Variants in ADAMTSL1 observed in about 807,000 individuals in gnomAD.
ADAMTSL1 encodes the protein ADAMTS like 1.
In ADAMTSL1, 126 loss-of-function variants were observed where a neutral mutation model predicts 201.8. The observed-to-expected ratio is 0.62, with a 90% CI of 0.54 to 0.72. ADAMTSL1 has a LOEUF of 0.72. Among genes scored for constraint, ADAMTSL1 ranks in the 30% least tolerant of loss-of-function variants. The pLI, the probability that ADAMTSL1 is intolerant of heterozygous loss-of-function variation, is 0.00. For synonymous variants in ADAMTSL1, 1,121 were observed against 903.4 expected (o/e 1.24, Z -4.32); for missense variants, 2,679 against 2,277.8 (o/e 1.18, Z -3.59).
At chr9:18,553,315 C>T (rs947153311) in intron 3 of ADAMTSL1, among the ~76,000 whole-genome samples, 1 of 150,762 alleles carries the variant, frequency 6.6e-6, no homozygotes, top group East Asian at 2.0e-4. Context: ...TTTTAATATG[C>T]ATACCTAAAG....
At chr9:18,372,863 A>C (rs568057432) in intron 2 of ADAMTSL1, among the ~76,000 whole-genome samples, 5 of 152,212 alleles carry the variant, frequency 3.3e-5, no homozygotes. Flanking sequence ...CATAGCAAAA[A>C]TAACACTAAA....
intron 2 of ADAMTSL1, among the ~76,000 whole-genome samples, chr9:18,167,495 G>C (rs1192682033): frequency 6.6e-6 from 1 of 151,804 alleles, no homozygotes; most frequent in Non-Finnish European, 1.5e-5. Flanking sequence ...TTGTTTTTTA[G>C]GGCAAGTCAT....
At chr9:18,895,994 A>C (rs1829612763) in intron 26 of ADAMTSL1, among the ~76,000 whole-genome samples, 1 of 152,214 alleles carries the variant, frequency 6.6e-6, no homozygotes, top group Non-Finnish European at 1.5e-5. Context: ...ATTCAACAGC[A>C]GATTTCGCAG....
chr9:18,038,504 A>G (rs1219038676), intron 1 of ADAMTSL1, among the ~76,000 whole-genome samples: 1 of 152,168 alleles, frequency 6.6e-6, no homozygotes, highest in African/African-American at 2.4e-5. Context: ...CAGTCATTAC[A>G]GTTTTCAAGC....
At chr9:18,286,911 G>A (rs918267404) in intron 2 of ADAMTSL1, among the ~76,000 whole-genome samples, 8 of 152,112 alleles carry the variant, frequency 5.3e-5, no homozygotes, top group African/African-American at 1.7e-4. Context: ...CAACTGCAAT[G>A]TATATAAAAT....
chr9:18,592,147 A>G (rs1823960338), intron 4 of ADAMTSL1, among the ~76,000 whole-genome samples: 1 of 152,092 alleles, frequency 6.6e-6, no homozygotes, highest in South Asian at 2.1e-4. Context: ...AGTGGATCAG[A>G]TTGGCAGCAA....
chr9:18,226,643 T>C (rs1830440999), intron 2 of ADAMTSL1, among the ~76,000 whole-genome samples: 1 of 152,134 alleles, frequency 6.6e-6, no homozygotes, highest in Non-Finnish European at 1.5e-5. Flanking sequence ...CTCTTTACCT[T>C]AGCCTGGTGT....
intron 19 of ADAMTSL1, among the ~76,000 whole-genome samples, chr9:18,781,686 G>A (rs546950412): frequency 1.1e-4 from 17 of 152,144 alleles, no homozygotes; most frequent in Non-Finnish European, 2.4e-4. Context: ...GAAATGTCCA[G>A]TGTTATAGTT....
At chr9:18,121,512 A>G (rs929752783) in intron 1 of ADAMTSL1, among the ~76,000 whole-genome samples, 3 of 152,312 alleles carry the variant, frequency 2.0e-5, no homozygotes, top group East Asian at 1.9e-4. Context: ...TTTTTCTCCA[A>G]TTGCAAAAGT....
chr9:18,674,356 T>C, intron 9 of ADAMTSL1, among the ~76,000 whole-genome samples: 1 of 152,144 alleles, frequency 6.6e-6, no homozygotes, highest in East Asian at 1.9e-4. Flanking sequence ...GAAATAGATA[T>C]CCATCTTAAA....
At chr9:18,612,318 CAG>C (rs1198766071) in intron 4 of ADAMTSL1, among the ~76,000 whole-genome samples, 3 of 152,092 alleles carry the variant, frequency 2.0e-5, no homozygotes, top group African/African-American at 7.2e-5. Context: ...GAACCAGTGG[CAG>C]AGAGTTTAAA....
chr9:18,870,979 A>T (rs1366923728), intron 23 of ADAMTSL1, among the ~76,000 whole-genome samples: 1 of 152,110 alleles, frequency 6.6e-6, no homozygotes, highest in Non-Finnish European at 1.5e-5. Context: ...CTCTTTTCTA[A>T]TTCTTTATCT....
At chr9:18,657,893 A>T in intron 8 of ADAMTSL1, 143 bp downstream of exon 8, 1 of 655,218 alleles carries the variant, frequency 1.5e-6, no homozygotes, top group Admixed American at 2.6e-5. Context: ...TGGAATCTCG[A>T]GGCCCTCCTG....
Position 18,071,323 on chromosome 9 carries a change from C to A in ADAMTSL1, c.88-92539C>A, listed in dbSNP as rs540830367. ...TCTATGGGAGTGCTTTAGAATTTGTCCAGAACACCAAAAATAAGTGTGTGT... is the reference window on the plus strand; with the variant it reads ...TCTATGGGAGTGCTTTAGAATTTGTACAGAACACCAAAAATAAGTGTGTGT... On this transcript the variant is annotated intron_variant, in intron 1 of 29. Coordinates refer to the ADAMTSL1 transcript ENST00000680146. Among the ~76,000 whole-genome samples the A allele has an allele frequency of 4.3e-4, 66 of 152,240 alleles. 1 individual carries two copies. The highest frequency in any genetic ancestry group is 1.4e-3 in the African/African-American group (60 of 41,544).
intron 1 of ADAMTSL1, among the ~76,000 whole-genome samples, chr9:18,502,412 C>T (rs1406938427): frequency 2.0e-5 from 3 of 152,198 alleles, no homozygotes; most frequent in Non-Finnish European, 4.4e-5. Context: ...CTTCTATTCA[C>T]ATGCGGCAAA....
chr9:18,072,998 A>T (rs1823034985), intron 1 of ADAMTSL1, among the ~76,000 whole-genome samples: 2 of 152,172 alleles, frequency 1.3e-5, no homozygotes, highest in African/African-American at 4.8e-5. Context: ...AGGAAGCGAG[A>T]CAACGAAGCT....
At chr9:18,695,667 A>G (rs2133270034) in intron 13 of ADAMTSL1, among the ~76,000 whole-genome samples, 1 of 152,320 alleles carries the variant, frequency 6.6e-6, no homozygotes, top group East Asian at 1.9e-4. Flanking sequence ...TTTTGATTAC[A>G]ACAATTTACC....
intron 2 of ADAMTSL1, among the ~76,000 whole-genome samples, chr9:18,525,220 T>C (rs1000699062): frequency 2.6e-5 from 4 of 152,210 alleles, no homozygotes; most frequent in Admixed American, 6.5e-5. Flanking sequence ...TTTTCTACTT[T>C]ATTTGCATAG....
chr9:18,199,115 C>A (rs6475202), intron 2 of ADAMTSL1, among the ~76,000 whole-genome samples: 1 of 133,014 alleles, frequency 7.5e-6, no homozygotes, highest in African/African-American at 2.9e-5. Flanking sequence ...GTTGTGGGGT[C>A]GGGGGAGGCG....
Sources: allele counts gnomAD v4.1 joint callset (sites outside exome capture counted in the v4.1 genomes callset), GRCh38; gene constraint gnomAD v4.1.1; transcripts MANE v1.5; gene names NCBI Gene and HGNC (gene_info 2026-07-23, HGNC 2026-07-21).